NKAIN1: variants seen among roughly 807,000 people sequenced by gnomAD.
The protein encoded by NKAIN1 is sodium/potassium-transporting ATPase subunit beta-1-interacting protein 1.
NKAIN1 carries 13 observed loss-of-function variants against 31.6 expected under a neutral mutation model. That is an observed-to-expected ratio of 0.41 (90% CI 0.27 to 0.65). The LOEUF (loss-of-function observed/expected upper bound fraction) is 0.65, where lower values mean the gene tolerates loss of function less well. NKAIN1 is among the 30% of genes least tolerant of loss of function. The pLI is 0.30. For missense variants in NKAIN1, 193 were observed against 262.2 expected (o/e 0.74, Z 1.82); for synonymous variants, 104 against 109.0 (o/e 0.95, Z 0.28).
At chr1:31,224,489 C>T (rs1238286982) in intron 1 of NKAIN1, among the ~76,000 whole-genome samples, 4 of 152,198 alleles carry the variant, frequency 2.6e-5, no homozygotes, top group Non-Finnish European at 5.9e-5. Context: ...CCAATAAACC[C>T]ATCGTAAGTC....
intron 1 of NKAIN1, among the ~76,000 whole-genome samples, chr1:31,227,072 G>A (rs894258375): frequency 4.6e-5 from 7 of 152,180 alleles, no homozygotes; most frequent in African/African-American, 1.7e-4. Context: ...TGATCTGCCT[G>A]CCCTGGCCTC....
In NKAIN1 at chr1:31,218,067, TC is replaced by T. The variant is rs1245334054; in HGVS notation, c.54+21426del. Among the ~76,000 whole-genome samples, 293 of 144,072 alleles carry T rather than the reference TC, an allele frequency of 2.0e-3. 10 individuals carry two copies. The East Asian group carries it at 0.052, about 25-fold the overall frequency. 94.5% of individuals were successfully genotyped at this position (144,072 alleles called of 152,430 possible). On this transcript the variant is annotated intron_variant, in intron 1 of 6. Transcript: ENST00000373736. ...TTCTTTCTTTCTTTCTTTCTTTCTT[TC>T]TTTTTTTTTTTTGAGATGGAGTCTC...
Position 31,231,677 on chromosome 1 carries a change from C to T in NKAIN1, c.54+7817G>A, listed in dbSNP as rs531180267. ...TCCCGAGTAGCTGGAACTACAGGCG[C>T]CCGCCACCACGCCCGGCTAATTTTT... On this transcript the variant is annotated intron_variant, in intron 1 of 6. Coordinates refer to ENST00000373736, the MANE Select transcript of NKAIN1 (RefSeq NM_024522.3). Among the ~76,000 whole-genome samples, 11 of 140,476 alleles carry T rather than the reference C, an allele frequency of 7.8e-5. No individual in the cohort carries two copies. In the South Asian group the frequency reaches 1.9e-3, roughly 25 times the overall value. 92.2% of individuals were successfully genotyped at this position (140,476 alleles called of 152,430 possible).
In NKAIN1 at chr1:31,181,504, G is replaced by T. The variant is rs1350509360; in HGVS notation, c.*199C>A. ...CCCGCCCCACTCCTCCGAAGTCCGGGCTGCGAAGAGCCAAGCTCAAATCCA... is the reference window on the plus strand; with the variant it reads ...CCCGCCCCACTCCTCCGAAGTCCGGTCTGCGAAGAGCCAAGCTCAAATCCA... On this transcript the variant is annotated 3_prime_UTR_variant, in exon 7 of 7. Transcript: ENST00000373736. The T allele has an allele frequency of 6.6e-6, 3 of 452,294 alleles. No individual in the cohort carries two copies. Among genetic ancestry groups the T allele is most frequent in the Non-Finnish European group, 1.1e-5 (3 of 263,190 alleles). 28.0% of individuals were successfully genotyped at this position (452,294 alleles called of 1,614,324 possible). A position where few individuals can be genotyped will look rare whatever the true frequency, so the allele number is the denominator to read the frequency against.
chr1:31,239,630 C>T lies in NKAIN1; in HGVS notation c.-83G>A. On this transcript the variant is annotated 5_prime_UTR_variant, in exon 1 of 7. In the 5' UTR this introduces an upstream ATG that the reference lacks. Transcript: ENST00000373736. This position sits in a 1 kb window ranked among gnomAD's most constrained non-coding sequence, Gnocchi z 4.8. ...GCCTGCTCGCGCCGCGCGGGCTCCA[C>T]GTCCTCCCCGCTGGGCGCGCCGGGC... 2 of 761,534 alleles carry T rather than the reference C, an allele frequency of 2.6e-6. No homozygotes were observed. Among genetic ancestry groups the T allele is most frequent in the Non-Finnish European group, 3.2e-6 (2 of 617,280 alleles). 47.2% of individuals were successfully genotyped at this position (761,534 alleles called of 1,614,324 possible).
At chr1:31,184,070 CT>C in intron 3 of NKAIN1, 56 bp from the exon 4 acceptor site, 1 of 1,492,068 alleles carries the variant, frequency 6.7e-7, no homozygotes, top group Non-Finnish European at 9.2e-7. Flanking sequence ...GGGGGAGCTA[CT>C]CCCCCAGCCC....
intron 1 of NKAIN1, among the ~76,000 whole-genome samples, chr1:31,197,825 G>C (rs924109794): frequency 4.6e-5 from 7 of 152,152 alleles, no homozygotes; most frequent in South Asian, 2.1e-4. Context: ...GGGATTACAG[G>C]CATGAGCCAC....
intron 1 of NKAIN1, among the ~76,000 whole-genome samples, chr1:31,211,159 C>A (rs1645465965): frequency 6.6e-6 from 1 of 152,018 alleles, no homozygotes; most frequent in Non-Finnish European, 1.5e-5. Context: ...CTAGCCAGGA[C>A]AATTAGGCAA....
chr1:31,212,181 G>T (rs1414844438), intron 1 of NKAIN1, among the ~76,000 whole-genome samples: 2 of 152,082 alleles, frequency 1.3e-5, no homozygotes, highest in African/African-American at 4.8e-5. Context: ...CAACAAGGGT[G>T]CCAAGACTAT....
At chr1:31,208,799 T>C (rs967039359) in intron 1 of NKAIN1, among the ~76,000 whole-genome samples, 7 of 152,236 alleles carry the variant, frequency 4.6e-5, no homozygotes, top group African/African-American at 1.7e-4. Flanking sequence ...TGGCTCTTCC[T>C]GTTCCGTGCC....
chr1:31,185,079 G>C, intron 3 of NKAIN1, 168 bp downstream of exon 3: 1 of 623,302 alleles, frequency 1.6e-6, no homozygotes, highest in Admixed American at 2.8e-5. Context: ...GAGGAAGCCA[G>C]AAATAAATTG....
intron 1 of NKAIN1, among the ~76,000 whole-genome samples, chr1:31,191,365 T>A (rs1645284199): frequency 6.6e-6 from 1 of 151,444 alleles, no homozygotes; most frequent in Non-Finnish European, 1.5e-5. Context: ...ACCCCCTCTG[T>A]TCTCTGTGAC....
chr1:31,208,209 C>T (rs1258819050), intron 1 of NKAIN1, among the ~76,000 whole-genome samples: 3 of 152,134 alleles, frequency 2.0e-5, no homozygotes, highest in Admixed American at 1.3e-4. Context: ...CCCGTTTCCT[C>T]ATCTATAAAA....
At chr1:31,234,316 T>C (rs1430922297) in intron 1 of NKAIN1, among the ~76,000 whole-genome samples, 1 of 152,098 alleles carries the variant, frequency 6.6e-6, no homozygotes, top group East Asian at 1.9e-4. Context: ...CTGCAGCTGC[T>C]CCAGAGTGCA....
intron 1 of NKAIN1, among the ~76,000 whole-genome samples, chr1:31,217,238 T>C (rs1645520528): frequency 6.6e-6 from 1 of 151,306 alleles, no homozygotes; most frequent in Non-Finnish European, 1.5e-5. Context: ...AGTCATAGCT[T>C]ACTGCAGCCT....
chr1:31,197,492 C>T (rs902162100), intron 1 of NKAIN1, among the ~76,000 whole-genome samples: 4 of 150,410 alleles, frequency 2.7e-5, no homozygotes, highest in Admixed American at 6.6e-5. Context: ...GTGATTTGCC[C>T]GCCTTGGCCT....
chr1:31,225,816 C>T (rs1645599850), intron 1 of NKAIN1, among the ~76,000 whole-genome samples: 1 of 152,216 alleles, frequency 6.6e-6, no homozygotes, highest in Non-Finnish European at 1.5e-5. Context: ...TCAAATGCCT[C>T]ATTCCTCCAG....
At chr1:31,226,503 A>G (rs1051292447) in intron 1 of NKAIN1, among the ~76,000 whole-genome samples, 5 of 149,466 alleles carry the variant, frequency 3.3e-5, no homozygotes, top group Middle Eastern at 7.0e-3. Context: ...GCTCCATGGT[A>G]TGTGCTTGTT....
chr1:31,239,642 T>C lies in NKAIN1; in HGVS notation c.-95A>G. On this transcript the variant is annotated 5_prime_UTR_variant, in exon 1 of 7. Coordinates refer to ENST00000373736, the MANE Select transcript of NKAIN1 (RefSeq NM_024522.3). The surrounding 1 kb of genome is among the most constrained non-coding windows in gnomAD (Gnocchi z 4.8). The stretch of plus-strand genomic sequence containing the variant: ...CGCGCGGGCTCCACGTCCTCCCCGC[T>C]GGGCGCGCCGGGCGGCGGGGCCGGG... The C allele has an allele frequency of 4.7e-6, 3 of 638,220 alleles. No homozygotes were observed. The highest frequency in any genetic ancestry group is 5.9e-6 in the Non-Finnish European group (3 of 511,570). The allele number at this position is 638,220 out of a possible 1,614,324, so 39.5% of individuals were successfully genotyped here. A position where few individuals can be genotyped will look rare whatever the true frequency, so the allele number is the denominator to read the frequency against.
Sources: allele counts gnomAD v4.1 joint callset (sites outside exome capture counted in the v4.1 genomes callset), GRCh38; gene constraint gnomAD v4.1.1; non-coding constraint Gnocchi (gnomAD v3.1); transcripts MANE v1.5; gene names NCBI Gene and HGNC (gene_info 2026-07-23, HGNC 2026-07-21).